EFNA5: variants seen among roughly 807,000 people sequenced by gnomAD.
EFNA5 encodes ephrin-A5.
Under a neutral mutation model 22.9 loss-of-function variants are expected in EFNA5, and 5 were observed. The observed-to-expected ratio is 0.22, with a 90% confidence interval of 0.11 to 0.46. The LOEUF (loss-of-function observed/expected upper bound fraction) is 0.46. Among genes scored for constraint, EFNA5 ranks in the 20% least tolerant of loss-of-function variants. The pLI is 0.99. For missense variants in EFNA5, 237 were observed against 293.3 expected (o/e 0.81, Z 1.40); for synonymous variants, 113 against 112.2 (o/e 1.01, Z -0.04).
intron 1 of EFNA5, among the ~76,000 whole-genome samples, chr5:107,581,580 T>C (rs1480832690): frequency 1.3e-5 from 2 of 152,224 alleles, no homozygotes; most frequent in Non-Finnish European, 2.9e-5. Flanking sequence ...TGCTAGAGCC[T>C]TCACCGCCAG....
At chr5:107,531,250 C>T (rs1747803757) in intron 1 of EFNA5, among the ~76,000 whole-genome samples, 1 of 152,198 alleles carries the variant, frequency 6.6e-6, no homozygotes, top group African/African-American at 2.4e-5. Context: ...CCTAGGTAGA[C>T]TTAGCTACTT....
intron 4 of EFNA5, among the ~76,000 whole-genome samples, chr5:107,386,455 C>G (rs1231279505): frequency 6.6e-6 from 1 of 152,154 alleles, no homozygotes; most frequent in Non-Finnish European, 1.5e-5. Flanking sequence ...TTCTTATTAT[C>G]CATAGTATGC....
intron 1 of EFNA5, among the ~76,000 whole-genome samples, chr5:107,609,617 A>T (rs779202887): frequency 1.3e-5 from 2 of 152,178 alleles, no homozygotes; most frequent in Non-Finnish European, 2.9e-5. Flanking sequence ...CTGCACCACC[A>T]AAGTCGCCTC....
At chr5:107,397,244 C>G (rs2112383928) in intron 2 of EFNA5, among the ~76,000 whole-genome samples, 1 of 152,192 alleles carries the variant, frequency 6.6e-6, no homozygotes, top group South Asian at 2.1e-4. Flanking sequence ...GGGTGAGACC[C>G]TGTCTCTAAT....
At chr5:107,419,942 G>A (rs1055809137) in intron 2 of EFNA5, among the ~76,000 whole-genome samples, 3 of 152,148 alleles carry the variant, frequency 2.0e-5, no homozygotes, top group Non-Finnish European at 4.4e-5. Flanking sequence ...CATTTCCCCT[G>A]CAAGAGTAAA....
At chr5:107,572,769 C>A (rs1748843940) in intron 1 of EFNA5, among the ~76,000 whole-genome samples, 1 of 152,062 alleles carries the variant, frequency 6.6e-6, no homozygotes, top group Non-Finnish European at 1.5e-5. Context: ...ATGTTTCTTC[C>A]CAAGCTTTTG....
intron 1 of EFNA5, among the ~76,000 whole-genome samples, chr5:107,482,844 C>T (rs868261032): frequency 1.4e-5 from 1 of 70,008 alleles, no homozygotes; most frequent in African/African-American, 5.9e-5. Flanking sequence ...CTCTCTCTCT[C>T]TCTCTCTCTC....
intron 1 of EFNA5, among the ~76,000 whole-genome samples, chr5:107,637,837 TTTTA>T (rs34019093): frequency 5.9e-4 from 87 of 147,742 alleles, no homozygotes; most frequent in African/African-American, 1.9e-3. Context: ...AACAGTTTAT[TTTTA>T]TTTATTTATT....
intron 2 of EFNA5, among the ~76,000 whole-genome samples, chr5:107,425,919 G>A (rs1005815383): frequency 3.9e-5 from 6 of 152,250 alleles, no homozygotes; most frequent in East Asian, 3.9e-4. Flanking sequence ...GGCAAGCTGG[G>A]GTGAAAGTCG....
chr5:107,571,819 T>C (rs929430830), intron 1 of EFNA5, among the ~76,000 whole-genome samples: 59 of 152,008 alleles, frequency 3.9e-4, no homozygotes, highest in African/African-American at 1.4e-3. Flanking sequence ...CACTCCTTTA[T>C]GGCGAGGTCA....
At chr5:107,458,959 T>C (rs1439975394) in intron 1 of EFNA5, among the ~76,000 whole-genome samples, 3 of 152,228 alleles carry the variant, frequency 2.0e-5, no homozygotes, top group Admixed American at 6.5e-5. Flanking sequence ...AAAGGATTTC[T>C]AGGCACAAAT....
At chr5:107,644,046 A>C (rs972104933) in intron 1 of EFNA5, among the ~76,000 whole-genome samples, 5 of 152,166 alleles carry the variant, frequency 3.3e-5, no homozygotes, top group African/African-American at 9.7e-5. Context: ...AGTAGCTCTC[A>C]GTATCTGTCT....
At chr5:107,513,112 T>C (rs965644676) in intron 1 of EFNA5, among the ~76,000 whole-genome samples, 1 of 152,204 alleles carries the variant, frequency 6.6e-6, no homozygotes, top group African/African-American at 2.4e-5. Flanking sequence ...CTTCCCTGGC[T>C]GCCTTGGCAC....
intron 1 of EFNA5, among the ~76,000 whole-genome samples, chr5:107,509,033 A>C (rs1488963505): frequency 6.6e-6 from 1 of 152,198 alleles, no homozygotes; most frequent in Non-Finnish European, 1.5e-5. Context: ...TCAGGTTTCA[A>C]AGTTGCATTT....
At chr5:107,501,225 T>C (rs1747126873) in intron 1 of EFNA5, among the ~76,000 whole-genome samples, 1 of 152,230 alleles carries the variant, frequency 6.6e-6, no homozygotes, top group Non-Finnish European at 1.5e-5. Flanking sequence ...AGATATTGAC[T>C]CAACTATATG....
chr5:107,547,666 T>C (rs1217623738), intron 1 of EFNA5, among the ~76,000 whole-genome samples: 1 of 151,250 alleles, frequency 6.6e-6, no homozygotes, highest in Non-Finnish European at 1.5e-5. Context: ...AAGTAGATTA[T>C]ACATTTACAT....
At chr5:107,569,979 GA>G (rs1172179661) in intron 1 of EFNA5, among the ~76,000 whole-genome samples, 4 of 151,696 alleles carry the variant, frequency 2.6e-5, no homozygotes, top group Admixed American at 1.3e-4. Flanking sequence ...CACTGACAGG[GA>G]AAAAAAAGTA....
chr5:107,588,987 A>C (rs1561441945), intron 1 of EFNA5, among the ~76,000 whole-genome samples: 1 of 152,136 alleles, frequency 6.6e-6, no homozygotes, highest in Non-Finnish European at 1.5e-5. Flanking sequence ...AACTTGCTCT[A>C]AAAAAAGGTT....
intron 1 of EFNA5, among the ~76,000 whole-genome samples, chr5:107,439,070 C>G (rs1199082207): frequency 6.6e-6 from 1 of 152,134 alleles, no homozygotes; most frequent in African/African-American, 2.4e-5. Flanking sequence ...GTCTGTCTCT[C>G]CCACTCCAAT....
Sources: gnomAD v4.1 joint callset for allele counts (sites outside exome capture counted in the v4.1 genomes callset) on GRCh38, gnomAD v4.1.1 for gene constraint, MANE v1.5 for transcripts, NCBI Gene and HGNC (gene_info 2026-07-23, HGNC 2026-07-21) for gene names.